The following WDFY2 variants were observed in gnomAD, a reference collection of about 807,000 sequenced individuals.
The protein encoded by WDFY2 is WD repeat and FYVE domain-containing protein 2.
A neutral mutation model predicts 56.4 loss-of-function variants in WDFY2; 36 were observed. The observed-to-expected ratio is 0.64, with a 90% CI of 0.49 to 0.84. The LOEUF (loss-of-function observed/expected upper bound fraction) is 0.84. Ranked by LOEUF, WDFY2 falls within the 40% of genes least tolerant of loss-of-function variation. The pLI is 0.00. For synonymous variants in WDFY2, 176 were observed against 183.7 expected (o/e 0.96, Z 0.34); for missense variants, 444 against 512.2 (o/e 0.87, Z 1.29).
intron 7 of WDFY2, among the ~76,000 whole-genome samples, chr13:51,739,547 G>T (rs568296573): frequency 1.3e-5 from 2 of 152,170 alleles, no homozygotes; most frequent in Non-Finnish European, 2.9e-5. Flanking sequence ...TTCAAATGTG[G>T]CTTCAAGCTC....
intron 7 of WDFY2, among the ~76,000 whole-genome samples, chr13:51,745,150 CAT>C (rs1454053783): frequency 1.3e-5 from 2 of 152,222 alleles, no homozygotes; most frequent in East Asian, 3.9e-4. Flanking sequence ...TAGTTCAAAT[CAT>C]AGAGTTACGA....
intron 3 of WDFY2, among the ~76,000 whole-genome samples, chr13:51,681,390 G>A (rs914630926): frequency 4.6e-5 from 7 of 152,128 alleles, no homozygotes; most frequent in African/African-American, 1.7e-4. Context: ...GGGCATAGAA[G>A]GTGAATTTGA....
intron 6 of WDFY2, among the ~76,000 whole-genome samples, chr13:51,730,536 A>C (rs1370753056): frequency 6.6e-6 from 1 of 152,154 alleles, no homozygotes; most frequent in Non-Finnish European, 1.5e-5. Flanking sequence ...CATTGTCCTC[A>C]AATTCTTCAC....
At chr13:51,585,945 A>C (rs1319972491) in intron 1 of WDFY2, 1 of 398,238 alleles carries the variant, frequency 2.5e-6, no homozygotes, top group East Asian at 3.6e-5. Context: ...CTTCAGTATA[A>C]CTAGGATGAG....
Position 51,719,246 on chromosome 13 carries a change from G to C in WDFY2, c.383G>C (p.Trp128Ser). Reference protein sequence around the residue: ...TMILFVLELEWVLSTGQDKQF... With the variant: ...TMILFVLELESVLSTGQDKQF... Reference sequence around the variant, plus strand: ...ATCCTGTTTGTCCTGGAGCTGGAGTGGGTGCTGAGCACAGGACAGGACAAG... The same window carrying C: ...ATCCTGTTTGTCCTGGAGCTGGAGTCGGTGCTGAGCACAGGACAGGACAAG... Residue 128 changes from tryptophan (W) to serine (S), a missense_variant, in exon 5 of 12, where the codon TGG becomes TCG. By Grantham distance (177) the Trp-to-Ser change is radical. Coordinates refer to ENST00000298125, the MANE Select transcript of WDFY2 (RefSeq NM_052950.4). 6.2e-7 allele frequency: 1 copy of C among 1,614,188 alleles called. No homozygotes were observed. The highest frequency in any genetic ancestry group is 8.5e-7 in the Non-Finnish European group (1 of 1,180,042).
At chr13:51,696,071 C>T (rs1951868970) in intron 3 of WDFY2, among the ~76,000 whole-genome samples, 1 of 152,214 alleles carries the variant, frequency 6.6e-6, no homozygotes, top group South Asian at 2.1e-4. Flanking sequence ...TTTCCAGGTG[C>T]TGTCTGTCAC....
chr13:51,693,554 G>GTTATAA (rs1350232679), intron 3 of WDFY2, among the ~76,000 whole-genome samples: 1 of 152,134 alleles, frequency 6.6e-6, no homozygotes, highest in Non-Finnish European at 1.5e-5. Flanking sequence ...GAGACAGTTT[G>GTTATAA]TTATAATTTC....
chr13:51,648,448 T>C (rs1955303698), intron 1 of WDFY2, among the ~76,000 whole-genome samples: 1 of 152,228 alleles, frequency 6.6e-6, no homozygotes, highest in African/African-American at 2.4e-5. Flanking sequence ...CTTTTGGGCC[T>C]GATGTAGTGC....
intron 6 of WDFY2, among the ~76,000 whole-genome samples, chr13:51,731,936 A>G (rs935400226): frequency 1.2e-4 from 19 of 152,208 alleles, no homozygotes; most frequent in African/African-American, 4.6e-4. Context: ...TCGACCTAGT[A>G]GTCATGTCCA....
intron 5 of WDFY2, among the ~76,000 whole-genome samples, chr13:51,720,151 CAGTA>C (rs1255371982): frequency 2.0e-5 from 3 of 152,164 alleles, no homozygotes; most frequent in African/African-American, 4.8e-5. Flanking sequence ...CAGGAAGAAA[CAGTA>C]AGTCCTGCTT....
chr13:51,740,543 G>A (rs574954185), intron 7 of WDFY2, among the ~76,000 whole-genome samples: 4 of 152,160 alleles, frequency 2.6e-5, no homozygotes, highest in South Asian at 4.2e-4. Context: ...GTGAAACCCC[G>A]TTTCTACTAA....
chr13:51,732,042 A>G (rs2138667362), intron 6 of WDFY2, among the ~76,000 whole-genome samples: 1 of 152,372 alleles, frequency 6.6e-6, no homozygotes, highest in South Asian at 2.1e-4. Flanking sequence ...CTGGAGCTAA[A>G]TGCCGGATAT....
chr13:51,634,034 A>T (rs1207937882), intron 1 of WDFY2, among the ~76,000 whole-genome samples: 1 of 152,126 alleles, frequency 6.6e-6, no homozygotes, highest in African/African-American at 2.4e-5. Context: ...CCTTTGATTA[A>T]TTTCTAAGAG....
At chr13:51,709,692 G>T (rs1261626807) in intron 4 of WDFY2, among the ~76,000 whole-genome samples, 3 of 152,118 alleles carry the variant, frequency 2.0e-5, no homozygotes, top group Non-Finnish European at 2.9e-5. Context: ...TAGAAGAAAT[G>T]GATACATTCC....
chr13:51,616,708 G>A (rs770688239), intron 1 of WDFY2, among the ~76,000 whole-genome samples: 1 of 152,194 alleles, frequency 6.6e-6, no homozygotes, highest in East Asian at 1.9e-4. Flanking sequence ...AAAGTTAGTC[G>A]CATGGTCGTG....
In WDFY2 at chr13:51,655,501, C is replaced by T. The variant is rs1955493707; in HGVS notation, c.138-5095C>T. 2.0e-5 allele frequency among the ~76,000 whole-genome samples: 3 copies of T among 151,606 alleles called. No homozygotes were observed. In the South Asian group the frequency reaches 6.2e-4, roughly 31 times the overall value. On this transcript the variant is annotated intron_variant, in intron 1 of 11. Transcript: ENST00000298125. Reference sequence around the variant, plus strand: ...TGCCGTATCACATTGATTGATTTCTCTTATATTGAACTACCCTTGCATTCC... The same window carrying T: ...TGCCGTATCACATTGATTGATTTCTTTTATATTGAACTACCCTTGCATTCC...
chr13:51,610,256 G>T (rs4941706), intron 1 of WDFY2, among the ~76,000 whole-genome samples: 35,818 of 124,344 alleles, frequency 0.29, 4,373 homozygotes, highest in East Asian at 0.47. Flanking sequence ...TTTTTTTTTG[G>T]GGGGCTAAAA....
intron 2 of WDFY2, among the ~76,000 whole-genome samples, chr13:51,674,460 C>G (rs979921908): frequency 1.3e-5 from 2 of 152,096 alleles, no homozygotes; most frequent in African/African-American, 2.4e-5. Flanking sequence ...TGCTTAGGCT[C>G]GGGTGTACTC....
intron 5 of WDFY2, among the ~76,000 whole-genome samples, chr13:51,722,147 A>G (rs1593450273): frequency 6.6e-6 from 1 of 152,050 alleles, no homozygotes; most frequent in East Asian, 1.9e-4. Context: ...ATTTATCTTC[A>G]TAGTAGACAG....
Sources: allele counts gnomAD v4.1 joint callset (sites outside exome capture counted in the v4.1 genomes callset), GRCh38; gene constraint gnomAD v4.1.1; transcripts MANE v1.5; gene names NCBI Gene and HGNC (gene_info 2026-07-23, HGNC 2026-07-21).